KCNMA1: variants seen among roughly 807,000 people sequenced by gnomAD.
The protein encoded by KCNMA1 is potassium calcium-activated channel subfamily M alpha 1.
Under a neutral mutation model 140.0 loss-of-function variants are expected in KCNMA1, and 29 were observed. The observed-to-expected ratio is 0.21, with a 90% CI of 0.15 to 0.28. KCNMA1 has a LOEUF of 0.28. Among genes scored for constraint, KCNMA1 ranks in the 10% least tolerant of loss-of-function variants. The pLI is 1.00. For synonymous variants in KCNMA1, 612 were observed against 611.9 expected (o/e 1.00, Z 0.00); for missense variants, 880 against 1,602.2 (o/e 0.55, Z 7.70).
chr10:77,618,925 G>A (rs900043903), intron 1 of KCNMA1, among the ~76,000 whole-genome samples: 11 of 152,182 alleles, frequency 7.2e-5, no homozygotes, highest in African/African-American at 2.7e-4. Context: ...AGAGAAGTCC[G>A]GCAGTGTGAA....
At chr10:77,583,182 C>T (rs573951310) in intron 1 of KCNMA1, among the ~76,000 whole-genome samples, 3 of 152,336 alleles carry the variant, frequency 2.0e-5, no homozygotes, top group Non-Finnish European at 4.4e-5. Flanking sequence ...CTTCCCTGGT[C>T]CTGAACCTTG....
chr10:76,877,344 C>G (rs895759062), downstream of KCNMA1: 2 of 155,112 alleles, frequency 1.3e-5, no homozygotes, highest in African/African-American at 4.8e-5. Context: ...GACCATCATT[C>G]TCCTCAAAGA....
intron 1 of KCNMA1, among the ~76,000 whole-genome samples, chr10:77,458,086 C>T (rs188418709): frequency 2.1e-4 from 32 of 152,258 alleles, no homozygotes; most frequent in Admixed American, 1.5e-3. Context: ...CAAAAAGACC[C>T]GATTATACAA....
chr10:77,189,519 AATG>A (rs764636352), intron 3 of KCNMA1, among the ~76,000 whole-genome samples: 3 of 152,150 alleles, frequency 2.0e-5, no homozygotes, highest in Non-Finnish European at 2.9e-5. Flanking sequence ...TAAAAGGAAA[AATG>A]ATGAAGTACA....
At chr10:77,039,888 T>C (rs56148167) in intron 14 of KCNMA1, among the ~76,000 whole-genome samples, 164 of 128,726 alleles carry the variant, frequency 1.3e-3, no homozygotes, top group Non-Finnish European at 2.4e-3. Flanking sequence ...TTTTTCTTTT[T>C]TTTTTTTTTT....
At chr10:77,472,941 T>C (rs570196006) in intron 1 of KCNMA1, among the ~76,000 whole-genome samples, 1 of 152,338 alleles carries the variant, frequency 6.6e-6, no homozygotes, top group African/African-American at 2.4e-5. Context: ...GGGCTCGTAC[T>C]AGGATTGGGC....
At chr10:77,376,948 AATAC>A (rs66548732) in intron 2 of KCNMA1, among the ~76,000 whole-genome samples, 89 of 148,430 alleles carry the variant, frequency 6.0e-4, no homozygotes, top group African/African-American at 1.8e-3. Context: ...AAAATAAATA[AATAC>A]ATACATACAT....
intron 14 of KCNMA1, among the ~76,000 whole-genome samples, chr10:77,068,351 A>C (rs921099652): frequency 5.3e-5 from 8 of 152,228 alleles, no homozygotes. Flanking sequence ...ACAAGCACAC[A>C]TATACACATA....
At chr10:77,619,151 A>G (rs2154569293) in intron 1 of KCNMA1, among the ~76,000 whole-genome samples, 1 of 152,312 alleles carries the variant, frequency 6.6e-6, no homozygotes, top group Non-Finnish European at 1.5e-5. Flanking sequence ...GTGGCTTAAA[A>G]CAATCATTTC....
intron 23 of KCNMA1, among the ~76,000 whole-genome samples, chr10:76,924,872 T>C (rs79534631): frequency 0.023 from 3,574 of 152,234 alleles, 145 homozygotes; most frequent in African/African-American, 0.08. Context: ...CAATGCCCCA[T>C]GCACATAGGG....
rs531189132 is a variant in KCNMA1, at chr10:77,072,439, T to C, written c.1749+658A>G. On this transcript the variant is annotated intron_variant, in intron 14 of 27. Transcript: ENST00000286628. ...GACAGAGTCGGTTTTTTTTCTCTCC[T>C]TGCCTGCACTGGTGCAGCAGGTATG... 4.4e-4 allele frequency among the ~76,000 whole-genome samples: 65 copies of C among 146,090 alleles called. 1 individual carries two copies. Among genetic ancestry groups the C allele is most frequent in the Admixed American group, 1.2e-3 (18 of 14,752 alleles).
intron 1 of KCNMA1, among the ~76,000 whole-genome samples, chr10:77,507,930 A>C (rs1237491649): frequency 1.3e-5 from 2 of 152,262 alleles, no homozygotes; most frequent in Non-Finnish European, 2.9e-5. Context: ...TCTTGACTGC[A>C]GTGCAACCTG....
At position 76,886,967 on chromosome 10, in the gene KCNMA1, T is replaced by C. The variant is rs1224216682; in HGVS notation, c.*299A>G. The C allele has an allele frequency of 1.4e-5, 18 of 1,242,552 alleles. No homozygotes were observed. Among genetic ancestry groups the C allele is most frequent in the Middle Eastern group, 6.9e-4 (2 of 2,906 alleles). The allele number at this position is 1,242,552 out of a possible 1,614,324, so 77.0% of individuals were successfully genotyped here. A position where few individuals can be genotyped will look rare whatever the true frequency, so the allele number is the denominator to read the frequency against. ...GACGTTGATCACAAGTGCTCCCTTC[T>C]AATCTGTGAACTCGTTCCTGCAGTG... is the stretch of plus-strand genomic sequence containing the variant. On this transcript the variant is annotated 3_prime_UTR_variant, in exon 28 of 28. Coordinates refer to ENST00000286628, the MANE Select transcript of KCNMA1 (RefSeq NM_001161352.2).
At chr10:76,929,297 GC>G (rs1371916371) in intron 23 of KCNMA1, among the ~76,000 whole-genome samples, 1 of 152,076 alleles carries the variant, frequency 6.6e-6, no homozygotes, top group African/African-American at 2.4e-5. Flanking sequence ...TTGCCTTTAG[GC>G]CCATGGCCTG....
intron 19 of KCNMA1, among the ~76,000 whole-genome samples, chr10:76,991,280 A>G (rs992352903): frequency 6.6e-5 from 10 of 152,354 alleles, no homozygotes; most frequent in African/African-American, 2.2e-4. Context: ...AATGCTCTAT[A>G]TGTGGTAGTA....
chr10:76,922,189 T>C (rs1458634958), intron 23 of KCNMA1, among the ~76,000 whole-genome samples: 1 of 152,196 alleles, frequency 6.6e-6, no homozygotes. Flanking sequence ...AATCATTCTA[T>C]GCTAGAAACA....
intron 3 of KCNMA1, among the ~76,000 whole-genome samples, chr10:77,237,011 C>A (rs2055737738): frequency 6.6e-6 from 1 of 152,202 alleles, no homozygotes; most frequent in African/African-American, 2.4e-5. Flanking sequence ...TTGCAGTTTT[C>A]AGAAGCACAG....
chr10:77,457,810 G>T (rs1173191825), intron 1 of KCNMA1, among the ~76,000 whole-genome samples: 1 of 152,148 alleles, frequency 6.6e-6, no homozygotes, highest in African/African-American at 2.4e-5. Context: ...AAGATGGAGG[G>T]GCTGGGAAAA....
At chr10:76,908,301 C>A (rs2048616745) in intron 25 of KCNMA1, among the ~76,000 whole-genome samples, 1 of 152,182 alleles carries the variant, frequency 6.6e-6, no homozygotes, top group South Asian at 2.1e-4. Flanking sequence ...GCCTTGGTAT[C>A]ATCAGGCCAT....
Sources: allele counts gnomAD v4.1 joint callset (sites outside exome capture counted in the v4.1 genomes callset), GRCh38; gene constraint gnomAD v4.1.1; transcripts MANE v1.5; gene names NCBI Gene and HGNC (gene_info 2026-07-23, HGNC 2026-07-21).